The following SGCD variants were observed in gnomAD, a reference collection of about 807,000 sequenced individuals.
SGCD encodes the protein delta-sarcoglycan.
Under a neutral mutation model 36.6 loss-of-function variants are expected in SGCD, and 18 were observed. The ratio of observed to expected loss-of-function variants is 0.49; its 90% CI spans 0.34 to 0.73. The LOEUF is 0.73. SGCD is among the 30% of genes least tolerant of loss of function. The pLI is 0.01. For missense variants in SGCD, 387 were observed against 346.7 expected (o/e 1.12, Z -0.92); for synonymous variants, 133 against 130.6 (o/e 1.02, Z -0.12).
In SGCD at chr5:156,185,190, C is replaced by T. The variant is rs200677060; in HGVS notation, c.-44+61171C>T. 6.7e-5 allele frequency among the ~76,000 whole-genome samples: 10 copies of T among 148,890 alleles called. No individual in the cohort carries two copies. The South Asian group carries it at 1.1e-3, about 16-fold the overall frequency. On this transcript the variant is annotated intron_variant, in intron 3 of 9. Transcript: ENST00000517913. ...ATGACTGGCTTTGTTATACTGCATGCGTTTCTCCTTCCTTTAATTTTCTTT... is the reference window on the plus strand; with the variant it reads ...ATGACTGGCTTTGTTATACTGCATGTGTTTCTCCTTCCTTTAATTTTCTTT...
At chr5:156,120,027 T>C (rs1030681545) in intron 2 of SGCD, among the ~76,000 whole-genome samples, 3 of 152,212 alleles carry the variant, frequency 2.0e-5, no homozygotes, top group African/African-American at 4.8e-5. Flanking sequence ...TTATTTTCTT[T>C]CACATTATTC....
intron 4 of SGCD, among the ~76,000 whole-genome samples, chr5:156,586,751 GT>G (rs541817984): frequency 6.6e-6 from 1 of 152,128 alleles, no homozygotes. Context: ...TAAGATTTTG[GT>G]TTTTTTGTTT....
chr5:156,165,400 T>A (rs1476892706), intron 3 of SGCD, among the ~76,000 whole-genome samples: 1 of 152,248 alleles, frequency 6.6e-6, no homozygotes, highest in African/African-American at 2.4e-5. Flanking sequence ...TTTTCAGAGC[T>A]ATTCAGCTTA....
chr5:156,491,109 TA>T (rs1315802758), intron 3 of SGCD, among the ~76,000 whole-genome samples: 1 of 151,820 alleles, frequency 6.6e-6, no homozygotes, highest in African/African-American at 2.4e-5. Context: ...AAAAATGAAA[TA>T]AAATACCCAG....
intron 7 of SGCD, 44 bp downstream of exon 7, chr5:156,647,580 T>A (rs748854138): frequency 8.4e-5 from 107 of 1,270,884 alleles, no homozygotes; most frequent in Admixed American, 1.6e-4. Flanking sequence ...GGCTATTGCC[T>A]TGCTCTGTGC....
At chr5:156,262,960 CAT>C (rs1328413703) in intron 3 of SGCD, among the ~76,000 whole-genome samples, 1 of 151,338 alleles carries the variant, frequency 6.6e-6, no homozygotes, top group African/African-American at 2.4e-5. Context: ...TATATACACA[CAT>C]ATATATACAC....
chr5:156,376,693 T>C (rs528811998), intron 3 of SGCD, among the ~76,000 whole-genome samples: 17 of 152,324 alleles, frequency 1.1e-4, no homozygotes, highest in African/African-American at 3.8e-4. Context: ...TTTGTGTTTT[T>C]CAAAAGTATT....
chr5:155,873,813 A>G (rs960261667), intron 1 of SGCD, among the ~76,000 whole-genome samples: 4 of 152,206 alleles, frequency 2.6e-5, no homozygotes, highest in African/African-American at 9.6e-5. Context: ...GGGGAAAAGT[A>G]CTTCTAAAAG....
In SGCD at chr5:156,266,456, C is replaced by T. The variant is rs180869924; in HGVS notation, c.-43-63078C>T. ...TCATGAAGCACTTTGTACCATGTCTCTTTTGATTTGACATTTAAAAATGGT... is the reference window on the plus strand; with the variant it reads ...TCATGAAGCACTTTGTACCATGTCTTTTTTGATTTGACATTTAAAAATGGT... On this transcript the variant is annotated intron_variant, in intron 3 of 9. Coordinates refer to the SGCD transcript ENST00000517913. Among the ~76,000 whole-genome samples, 52 of 152,266 alleles carry T rather than the reference C, an allele frequency of 3.4e-4. 1 individual carries two copies. Among genetic ancestry groups the T allele is most frequent in the Non-Finnish European group, 2.6e-4 (18 of 68,008 alleles).
chr5:156,578,520 T>C (rs1402490495), intron 4 of SGCD, among the ~76,000 whole-genome samples: 3 of 152,222 alleles, frequency 2.0e-5, no homozygotes, highest in African/African-American at 7.2e-5. Context: ...TCTGGAAGAA[T>C]TCAGCTGTGA....
At chr5:155,761,511 CCCTCTCCATCAT>C in the SGCD span, among the ~76,000 whole-genome samples, 1 of 142,106 alleles carries the variant, frequency 7.0e-6, no homozygotes, top group East Asian at 2.3e-4. Flanking sequence ...CTCTCCATCA[CCCTCTCCATCAT>C]CATCTGTCAC....
At chr5:156,584,984 G>T (rs1442645341) in intron 4 of SGCD, among the ~76,000 whole-genome samples, 1 of 152,174 alleles carries the variant, frequency 6.6e-6, no homozygotes, top group East Asian at 1.9e-4. Context: ...CACTAGAAAA[G>T]CTGGCAGTCC....
At chr5:156,556,881 C>A (rs561226620) in intron 4 of SGCD, among the ~76,000 whole-genome samples, 2 of 152,236 alleles carry the variant, frequency 1.3e-5, no homozygotes, top group African/African-American at 4.8e-5. Context: ...CAGAGAGTGA[C>A]ATTTACAAAT....
chr5:156,135,561 T>G (rs748550971), intron 3 of SGCD, among the ~76,000 whole-genome samples: 1 of 152,158 alleles, frequency 6.6e-6, no homozygotes, highest in Non-Finnish European at 1.5e-5. Context: ...GATTAGAAGA[T>G]TTTCTGTCCA....
chr5:155,996,345 A>G (rs1474555258), intron 1 of SGCD, among the ~76,000 whole-genome samples: 1 of 152,146 alleles, frequency 6.6e-6, no homozygotes, highest in Non-Finnish European at 1.5e-5. Context: ...ACAGCAAGCC[A>G]TGCCTTTCCC....
the SGCD span, among the ~76,000 whole-genome samples, chr5:155,856,952 G>A: frequency 6.6e-6 from 1 of 152,206 alleles, no homozygotes; most frequent in Non-Finnish European, 1.5e-5. Flanking sequence ...AAGTTAAACA[G>A]GCCAGGTGCA....
chr5:156,504,845 G>T (rs1756625586), intron 3 of SGCD, among the ~76,000 whole-genome samples: 1 of 152,162 alleles, frequency 6.6e-6, no homozygotes, highest in Admixed American at 6.5e-5. Flanking sequence ...GAGTTGTTTG[G>T]AATAGACTTG....
At chr5:156,184,654 A>G (rs961888497) in intron 3 of SGCD, among the ~76,000 whole-genome samples, 1 of 152,156 alleles carries the variant, frequency 6.6e-6, no homozygotes, top group Non-Finnish European at 1.5e-5. Flanking sequence ...ATACAAACAT[A>G]AAGAATATCA....
chr5:155,832,520 TTGC>T, the SGCD span, among the ~76,000 whole-genome samples: 1 of 152,166 alleles, frequency 6.6e-6, no homozygotes, highest in Non-Finnish European at 1.5e-5. Context: ...AACGCAAGCA[TTGC>T]TGCCTCTCTG....
Sources: allele counts gnomAD v4.1 joint callset (sites outside exome capture counted in the v4.1 genomes callset), GRCh38; gene constraint gnomAD v4.1.1; transcripts MANE v1.5; gene names NCBI Gene and HGNC (gene_info 2026-07-23, HGNC 2026-07-21).